Variants in FANCB observed in about 807,000 individuals in gnomAD.
FANCB encodes FA complementation group B.
In FANCB, 5 loss-of-function variants were observed where a neutral mutation model predicts 38.9. The ratio of observed to expected loss-of-function variants is 0.13; its 90% CI spans 0.07 to 0.27. The LOEUF is 0.27. Among genes scored for constraint, FANCB ranks in the 10% least tolerant of loss-of-function variants. FANCB has a pLI of 1.00. For synonymous variants in FANCB, 236 were observed against 215.4 expected (o/e 1.10, Z -0.84); for missense variants, 573 against 602.7 (o/e 0.95, Z 0.52).
chrX:14,844,100 C>A, intron 9 of FANCB, 119 bp from the exon 10 acceptor site: 1 of 569,893 alleles, frequency 1.8e-6, no homozygotes, highest in Non-Finnish European at 2.8e-6. Context: ...ATAAACAGAA[C>A]CAATTATGTA....
At chrX:14,762,585 T>C in the FANCB span, among the ~76,000 whole-genome samples, 2 of 112,129 alleles carry the variant, frequency 1.8e-5, no homozygotes, top group East Asian at 5.6e-4. Context: ...AAAACAGGCA[T>C]ACAGCTACAA....
At chrX:14,771,391 A>G in the FANCB span, among the ~76,000 whole-genome samples, 1 of 110,915 alleles carries the variant, frequency 9.0e-6, no homozygotes, top group African/African-American at 3.3e-5. Context: ...AGCATCTTCA[A>G]GCTCTGAGAT....
the FANCB span, among the ~76,000 whole-genome samples, chrX:14,744,713 C>G: frequency 1.3e-4 from 14 of 111,784 alleles, no homozygotes; most frequent in African/African-American, 4.6e-4. Context: ...AGATTAATAC[C>G]TGGAGGGTCT....
downstream of FANCB, among the ~76,000 whole-genome samples, chrX:14,833,989 T>C (rs771832432): frequency 2.0e-3 from 217 of 108,867 alleles, no homozygotes; most frequent in Middle Eastern, 0.015. Flanking sequence ...AGTGAGACCC[T>C]GTCTCAAACA....
At chrX:14,735,670 G>A in the FANCB span, among the ~76,000 whole-genome samples, 1 of 112,095 alleles carries the variant, frequency 8.9e-6, no homozygotes, top group African/African-American at 3.2e-5. Context: ...GGTGTCTGTT[G>A]ACCCCTGCTG....
chrX:14,731,139 G>A, the FANCB span: 3 of 111,711 alleles, frequency 2.7e-5, no homozygotes, highest in African/African-American at 9.8e-5. Flanking sequence ...TACTTATCCA[G>A]TAAATAACAA....
At chrX:14,766,332 C>T in the FANCB span, among the ~76,000 whole-genome samples, 1 of 111,890 alleles carries the variant, frequency 8.9e-6, no homozygotes, top group African/African-American at 3.2e-5. Context: ...TTATTGAGTG[C>T]TTCAGAGTGC....
chrX:14,705,487 G>A, the FANCB span, among the ~76,000 whole-genome samples: 3 of 111,833 alleles, frequency 2.7e-5, no homozygotes, highest in Admixed American at 9.5e-5. Flanking sequence ...CATCTGACCC[G>A]AATATGGATA....
chrX:14,731,220 T>C, the FANCB span: 1 of 112,626 alleles, frequency 8.9e-6, no homozygotes, highest in African/African-American at 3.2e-5. Context: ...TTTAATATTT[T>C]TCTTTCCAAG....
chrX:14,692,825 C>G, the FANCB span, among the ~76,000 whole-genome samples: 4 of 111,477 alleles, frequency 3.6e-5, no homozygotes. Context: ...TACCTGGGCT[C>G]TGTGGGAATG....
chrX:14,815,322 A>T, the FANCB span, among the ~76,000 whole-genome samples: 5 of 110,385 alleles, frequency 4.5e-5, no homozygotes, highest in Admixed American at 9.6e-5. Flanking sequence ...AGTATAATTT[A>T]AAAAAAAGTG....
At chrX:14,807,423 A>G in the FANCB span, among the ~76,000 whole-genome samples, 358 of 112,747 alleles carry the variant, frequency 3.2e-3, 1 homozygote, top group African/African-American at 0.01. Context: ...AGCAGAAGCT[A>G]TATCTCTGAA....
chrX:14,811,303 T>C, the FANCB span, among the ~76,000 whole-genome samples: 1 of 111,313 alleles, frequency 9.0e-6, no homozygotes, highest in Non-Finnish European at 1.9e-5. Flanking sequence ...CAGGATCAAA[T>C]TCACACATAA....
At chrX:14,846,440 A>C (rs1001106802) in intron 7 of FANCB, among the ~76,000 whole-genome samples, 1 of 112,056 alleles carries the variant, frequency 8.9e-6, no homozygotes, top group African/African-American at 3.2e-5. Context: ...TGAGGGTCTA[A>C]CTAAATAATT....
intron 5 of FANCB, among the ~76,000 whole-genome samples, chrX:14,853,600 ACT>A (rs757575184): frequency 2.0e-4 from 22 of 112,377 alleles, no homozygotes; most frequent in Non-Finnish European, 3.4e-4. Flanking sequence ...AGAAAATATC[ACT>A]TTTAATCAGA....
the FANCB span, among the ~76,000 whole-genome samples, chrX:14,813,748 G>A: frequency 1.8e-5 from 2 of 111,608 alleles, no homozygotes; most frequent in Non-Finnish European, 3.8e-5. Flanking sequence ...TGGCCATACT[G>A]CCCAAGGTAA....
At chrX:14,869,257 C>T (rs1205450870) in intron 1 of FANCB, 1 of 111,625 alleles carries the variant, frequency 9.0e-6, no homozygotes, top group East Asian at 2.8e-4. Flanking sequence ...CAAAAATCAC[C>T]TCTGTATGAA....
At chrX:14,819,280 A>C in the FANCB span, among the ~76,000 whole-genome samples, 1 of 111,918 alleles carries the variant, frequency 8.9e-6, no homozygotes, top group Non-Finnish European at 1.9e-5. Context: ...TAGTCCACAA[A>C]ACAGAGCCAC....
At chrX:14,859,483 T>C in intron 3 of FANCB, 149 bp from the exon 4 acceptor site, 2 of 437,963 alleles carry the variant, frequency 4.6e-6, no homozygotes, top group Non-Finnish European at 7.9e-6. Context: ...TAAAATAAAA[T>C]AAAGATATTA....
Sources: gnomAD v4.1 joint callset for allele counts (sites outside exome capture counted in the v4.1 genomes callset) on GRCh38, gnomAD v4.1.1 for gene constraint, MANE v1.5 for transcripts, NCBI Gene and HGNC (gene_info 2026-07-23, HGNC 2026-07-21) for gene names.